Variants in RGS6 observed in about 807,000 individuals in gnomAD.
RGS6 encodes regulator of G-protein signaling 6.
A neutral mutation model predicts 78.5 loss-of-function variants in RGS6; 30 were observed. That is an observed-to-expected ratio of 0.38 (90% CI 0.29 to 0.52). The LOEUF (loss-of-function observed/expected upper bound fraction) is 0.52. RGS6 is among the 20% of genes least tolerant of loss of function. The pLI is 0.85. For synonymous variants in RGS6, 206 were observed against 206.0 expected (o/e 1.00, Z 0.00); for missense variants, 495 against 609.7 (o/e 0.81, Z 1.98).
the RGS6 span, among the ~76,000 whole-genome samples, chr14:72,588,551 A>T: frequency 3.3e-5 from 5 of 152,128 alleles, no homozygotes; most frequent in Non-Finnish European, 7.4e-5. Context: ...ATATACTTGT[A>T]TTAATGCCTG....
chr14:72,310,041 T>C (rs1323003338), intron 2 of RGS6, among the ~76,000 whole-genome samples: 1 of 152,250 alleles, frequency 6.6e-6, no homozygotes, highest in African/African-American at 2.4e-5. Context: ...TCTCTCCTCC[T>C]TCTGCCTCTC....
chr14:72,324,852 A>G (rs1219483688), intron 2 of RGS6, among the ~76,000 whole-genome samples: 1 of 152,112 alleles, frequency 6.6e-6, no homozygotes, highest in Non-Finnish European at 1.5e-5. Flanking sequence ...ATGATTTATA[A>G]TCCTTTGGGT....
chr14:72,202,744 G>T (rs141507791), intron 2 of RGS6, among the ~76,000 whole-genome samples: 94 of 152,114 alleles, frequency 6.2e-4, no homozygotes, highest in African/African-American at 2.2e-3. Flanking sequence ...GTCCTGGGGA[G>T]GGCAGGCACG....
At chr14:72,340,663 A>G (rs2152674108) in intron 2 of RGS6, among the ~76,000 whole-genome samples, 1 of 152,270 alleles carries the variant, frequency 6.6e-6, no homozygotes, top group East Asian at 1.9e-4. Context: ...AAGGCTTTCC[A>G]GTTTTTGCAG....
At chr14:72,041,200 C>T (rs1431661389) in intron 2 of RGS6, among the ~76,000 whole-genome samples, 2 of 152,188 alleles carry the variant, frequency 1.3e-5, no homozygotes, top group East Asian at 1.9e-4. Context: ...ACAACCAGCT[C>T]TTCCAGTCTT....
chr14:72,295,561 T>C (rs2064639918), intron 2 of RGS6, among the ~76,000 whole-genome samples: 1 of 152,100 alleles, frequency 6.6e-6, no homozygotes, highest in Admixed American at 6.5e-5. Context: ...AATAAAATAA[T>C]CTTAGGTGAC....
At chr14:72,560,839 T>TGTGTGTGTGTGTGTGTGTGTG (rs202222579) in intron 17 of RGS6, among the ~76,000 whole-genome samples, 1 of 142,494 alleles carries the variant, frequency 7.0e-6, no homozygotes, top group Non-Finnish European at 1.5e-5. Flanking sequence ...TGTGTGTGTG[T>TGTGTGTGTGTGTGTGTGTGTG]TTAAGATGGG....
At chr14:72,213,602 C>G (rs847282) in intron 2 of RGS6, among the ~76,000 whole-genome samples, 119,000 of 152,078 alleles carry the variant, frequency 0.78, 48,005 homozygotes, top group South Asian at 0.89. Flanking sequence ...AACAACCCCT[C>G]CTTAATGGCC....
chr14:72,252,135 TC>T lies in RGS6; in HGVS notation c.85-99957del, dbSNP rs1262327040. Among the ~76,000 whole-genome samples, 9 of 152,316 alleles carry T rather than the reference TC, an allele frequency of 5.9e-5. No homozygotes were observed. The East Asian group carries it at 1.7e-3, about 29-fold the overall frequency. Reference sequence around the variant, plus strand: ...TACAGGAATTCAGACCTGTGGAAGATCCCTGGAGGGTTAAGGAATGCAAATC... The same window carrying T: ...TACAGGAATTCAGACCTGTGGAAGATCCTGGAGGGTTAAGGAATGCAAATC... On this transcript the variant is annotated intron_variant, in intron 2 of 17. Coordinates refer to ENST00000553525, the MANE Select transcript of RGS6 (RefSeq NM_001204424.2).
chr14:72,238,993 G>A (rs992106603), intron 2 of RGS6, among the ~76,000 whole-genome samples: 2 of 152,052 alleles, frequency 1.3e-5, no homozygotes, highest in African/African-American at 4.8e-5. Context: ...CTCCTCAGAA[G>A]AAAGAATTCA....
chr14:72,381,437 TTAAA>T (rs1287044508), intron 3 of RGS6, among the ~76,000 whole-genome samples: 4 of 152,066 alleles, frequency 2.6e-5, no homozygotes, highest in African/African-American at 9.7e-5. Context: ...CATCAATTTT[TTAAA>T]TAAAATAAAA....
rs368231328 is a variant in RGS6, at chr14:72,098,177, C to T, written c.84+133302C>T. 2.7e-4 allele frequency among the ~76,000 whole-genome samples: 41 copies of T among 152,294 alleles called. No homozygotes were observed. In the East Asian group the frequency reaches 7.7e-3, roughly 29 times the overall value. On this transcript the variant is annotated intron_variant, in intron 2 of 17. Coordinates refer to ENST00000553525, the MANE Select transcript of RGS6 (RefSeq NM_001204424.2). Reference sequence around the variant, plus strand: ...CCCCTCCATGTTTTCCAAAACCGCCCCCATCCTCGGGGTCTGGTTTGGGAC... The same window carrying T: ...CCCCTCCATGTTTTCCAAAACCGCCTCCATCCTCGGGGTCTGGTTTGGGAC...
chr14:72,568,158 C>T (rs1337716955), downstream of RGS6, among the ~76,000 whole-genome samples: 1 of 152,204 alleles, frequency 6.6e-6, no homozygotes. Context: ...TGGCTTATTT[C>T]AGCAGACAAA....
chr14:72,172,220 CTT>C lies in RGS6; in HGVS notation c.85-179872_85-179871del, dbSNP rs1294100118. Among the ~76,000 whole-genome samples the C allele has an allele frequency of 4.0e-5, 6 of 151,516 alleles. No individual in the cohort carries two copies. In the East Asian group the frequency reaches 7.7e-4, roughly 19 times the overall value. ...TGACGATTTAAGATGCATCTGAACT[CTT>C]TTAGATTTCCATAGAACCTCACTCA... On this transcript the variant is annotated intron_variant, in intron 2 of 17. Transcript: ENST00000553525.
At chr14:71,941,937 C>G (rs146839292) in intron 1 of RGS6, among the ~76,000 whole-genome samples, 169 of 152,278 alleles carry the variant, frequency 1.1e-3, no homozygotes, top group African/African-American at 3.8e-3. Context: ...ACAGTAAGCT[C>G]CTTACAGGCC....
intron 2 of RGS6, among the ~76,000 whole-genome samples, chr14:72,266,180 G>A (rs2059043964): frequency 6.6e-6 from 1 of 152,180 alleles, no homozygotes; most frequent in South Asian, 2.1e-4. Context: ...TGGGTGAACT[G>A]GAGGTGATTA....
At chr14:72,228,596 A>G (rs1298071451) in intron 2 of RGS6, among the ~76,000 whole-genome samples, 1 of 152,224 alleles carries the variant, frequency 6.6e-6, no homozygotes, top group Non-Finnish European at 1.5e-5. Context: ...CGCTGCAACC[A>G]TCTGAGTGAC....
intron 2 of RGS6, among the ~76,000 whole-genome samples, chr14:72,059,678 A>G (rs2093796153): frequency 6.6e-6 from 1 of 152,036 alleles, no homozygotes; most frequent in Non-Finnish European, 1.5e-5. Context: ...GTATTTGGAG[A>G]TGAGGCATTT....
chr14:72,332,134 C>A (rs2075180762), intron 2 of RGS6, among the ~76,000 whole-genome samples: 1 of 152,204 alleles, frequency 6.6e-6, no homozygotes, highest in African/African-American at 2.4e-5. Context: ...CCAGAGCTTC[C>A]TCTTGGCTGG....
Sources: allele counts gnomAD v4.1 joint callset (sites outside exome capture counted in the v4.1 genomes callset), GRCh38; gene constraint gnomAD v4.1.1; transcripts MANE v1.5; gene names NCBI Gene and HGNC (gene_info 2026-07-23, HGNC 2026-07-21).